Variants in BCAS3 observed in about 807,000 individuals in gnomAD.
BCAS3 encodes the protein BCAS4/BCAS3 fusion.
BCAS3 carries 53 observed loss-of-function variants against 116.1 expected under a neutral mutation model. The ratio of observed to expected loss-of-function variants is 0.46; its 90% CI spans 0.37 to 0.57. The LOEUF (loss-of-function observed/expected upper bound fraction) is 0.57, where lower values mean the gene tolerates loss of function less well. Ranked by LOEUF, BCAS3 falls within the 20% of genes least tolerant of loss-of-function variation. The probability of loss-of-function intolerance (pLI) is 0.00; values close to 1 mark genes in which losing one functional copy is unlikely to be tolerated. For synonymous variants in BCAS3, 391 were observed against 408.2 expected, an observed-to-expected ratio of 0.96 and a Z score of 0.51; for missense variants, 917 against 1,165.4, an observed-to-expected ratio of 0.79 and a Z score of 3.10.
At position 60,964,949 on chromosome 17, in the gene BCAS3, C is replaced by G. The variant is rs2061579664; in HGVS notation, c.1221+17597C>G. Among the ~76,000 whole-genome samples the G allele has an allele frequency of 6.6e-6, 1 of 151,966 alleles. No individual in the cohort carries two copies. The highest frequency in any genetic ancestry group is 2.4e-5 in the African/African-American group (1 of 41,402). On this transcript the variant is annotated intron_variant, in intron 14 of 23. Coordinates refer to ENST00000407086, the MANE Select transcript of BCAS3 (RefSeq NM_017679.5). This position sits in a 1 kb window ranked among gnomAD's most constrained non-coding sequence, Gnocchi z 4.6. Reference sequence around the variant, plus strand: ...TTCTCTCTTTTTTCTTAGTCTAGCTCAAGACTTGTTGATTTTGTTTACATT... The same window carrying G: ...TTCTCTCTTTTTTCTTAGTCTAGCTGAAGACTTGTTGATTTTGTTTACATT...
rs8070787 is a variant in BCAS3 at position 61,285,220 on chromosome 17, C to A, written c.2426-83107C>A. ...TAAATTGGGGTGTTTTGCTTTTCCC[C>A]TCCTCCTAGGTTGTGTGTGTGTGTG... On this transcript the variant is annotated intron_variant, in intron 22 of 23. Coordinates refer to ENST00000407086, the MANE Select transcript of BCAS3 (RefSeq NM_017679.5). This position sits in a 1 kb window ranked among gnomAD's most constrained non-coding sequence, Gnocchi z 5.4. Among the ~76,000 whole-genome samples the A allele has an allele frequency of 0.15, 21,904 of 151,006 alleles. 3,651 individuals are homozygous for A. Among genetic ancestry groups the A allele is most frequent in the African/African-American group, 0.42 (16,997 of 40,932 alleles).
At chr17:61,138,743 G>A (rs573969151) in intron 22 of BCAS3, among the ~76,000 whole-genome samples, 6 of 151,948 alleles carry the variant, frequency 3.9e-5, no homozygotes, top group Non-Finnish European at 1.5e-5. Context: ...TTGTTTTTTG[G>A]CTCTTGATCC....
chr17:60,948,413 C>G (rs570218364), intron 14 of BCAS3, among the ~76,000 whole-genome samples: 1 of 152,278 alleles, frequency 6.6e-6, no homozygotes, highest in East Asian at 1.9e-4. Flanking sequence ...CATGAGCCAC[C>G]GCGCCTGGCC....
At chr17:61,308,304 C>T (rs1349522095) in intron 22 of BCAS3, among the ~76,000 whole-genome samples, 2 of 152,096 alleles carry the variant, frequency 1.3e-5, no homozygotes, top group Non-Finnish European at 2.9e-5. Flanking sequence ...CATTAGCAGC[C>T]ATAGTGTTGG....
At chr17:60,798,058 C>T (rs73316778) in intron 6 of BCAS3, among the ~76,000 whole-genome samples, 7,101 of 152,196 alleles carry the variant, frequency 0.047, 497 homozygotes, top group African/African-American at 0.15. Flanking sequence ...CAAAAACACA[C>T]AGAGTTTCTG....
chr17:60,765,746 A>G (rs2044026958), intron 6 of BCAS3, among the ~76,000 whole-genome samples: 1 of 152,026 alleles, frequency 6.6e-6, no homozygotes, highest in African/African-American at 2.4e-5. Flanking sequence ...CTGCCTTGCT[A>G]TGTTGGGGGA....
intron 22 of BCAS3, among the ~76,000 whole-genome samples, chr17:61,209,623 C>G (rs1180765454): frequency 6.6e-6 from 1 of 152,166 alleles, no homozygotes; most frequent in African/African-American, 2.4e-5. Flanking sequence ...TGTGGCTGTA[C>G]AGAGACCATT....
At chr17:61,111,169 C>T (rs536710126) in intron 22 of BCAS3, among the ~76,000 whole-genome samples, 32 of 151,762 alleles carry the variant, frequency 2.1e-4, no homozygotes, top group East Asian at 3.9e-4. Context: ...AACTCTAAAA[C>T]GCAGAGCGTC....
chr17:61,022,216 C>A (rs985593916), intron 16 of BCAS3, among the ~76,000 whole-genome samples: 1 of 151,994 alleles, frequency 6.6e-6, no homozygotes, highest in South Asian at 2.1e-4. Flanking sequence ...ATGATGTCTA[C>A]TATATACCAT....
chr17:61,111,800 T>A (rs985000308), intron 22 of BCAS3, among the ~76,000 whole-genome samples: 5 of 112,742 alleles, frequency 4.4e-5, no homozygotes, highest in African/African-American at 1.3e-4. Context: ...TCACCAAAGT[T>A]GAAATGAAGG....
chr17:61,031,593 T>A (rs964934318), intron 16 of BCAS3, among the ~76,000 whole-genome samples: 1 of 152,118 alleles, frequency 6.6e-6, no homozygotes, highest in African/African-American at 2.4e-5. Context: ...CATATTTTTA[T>A]GTTTTTATTT....
chr17:60,713,218 C>T (rs1018605194), intron 5 of BCAS3, among the ~76,000 whole-genome samples: 2 of 152,130 alleles, frequency 1.3e-5, no homozygotes, highest in African/African-American at 4.8e-5. Flanking sequence ...GCTCAGCATG[C>T]CAAAATGCCA....
chr17:61,128,051 C>A lies in BCAS3; in HGVS notation c.2425+43487C>A. The A allele has an allele frequency of 6.6e-6, 2 of 300,822 alleles. No individual in the cohort carries two copies. Among genetic ancestry groups the A allele is most frequent in the Non-Finnish European group, 9.8e-6 (2 of 204,422 alleles). 18.6% of individuals were successfully genotyped at this position (300,822 alleles called of 1,614,324 possible). On this transcript the variant is annotated intron_variant, in intron 22 of 23. Coordinates refer to ENST00000407086, the MANE Select transcript of BCAS3 (RefSeq NM_017679.5). This position sits in a 1 kb window ranked among gnomAD's most constrained non-coding sequence, Gnocchi z 4.1. ...AAAGAACACCACAATTCCCATTGAG[C>A]TCAGAAAATGTGATTAAGGAGTTTG...
At position 61,316,369 on chromosome 17, in the gene BCAS3, C is replaced by T. The variant is rs117135931; in HGVS notation, c.2426-51958C>T. Among the ~76,000 whole-genome samples, 15 of 152,148 alleles carry T rather than the reference C, an allele frequency of 9.9e-5. No homozygotes were observed. The highest frequency in any genetic ancestry group is 1.8e-4 in the Non-Finnish European group (12 of 68,002). Reference sequence around the variant, plus strand: ...GTAAATGTGTGCTGAATGTGGGAGACGTCTTTTTTAAGGAAAGCCTAAGAT... The same window carrying T: ...GTAAATGTGTGCTGAATGTGGGAGATGTCTTTTTTAAGGAAAGCCTAAGAT... On this transcript the variant is annotated intron_variant, in intron 22 of 23. Transcript: ENST00000407086. The surrounding 1 kb of genome is among the most constrained non-coding windows in gnomAD (Gnocchi z 5.8).
chr17:61,130,302 C>A lies in BCAS3; in HGVS notation c.2425+45738C>A, dbSNP rs1415432189. ...AATCCCAGAGCACCATAGAAACTGG[C>A]AAAATATCTTCCCAATTAATTATGA... On this transcript the variant is annotated intron_variant, in intron 22 of 23. Coordinates refer to ENST00000407086, the MANE Select transcript of BCAS3 (RefSeq NM_017679.5). The surrounding 1 kb of genome is among the most constrained non-coding windows in gnomAD (Gnocchi z 5.0). Among the ~76,000 whole-genome samples the A allele has an allele frequency of 1.3e-5, 2 of 152,196 alleles. No individual in the cohort carries two copies. Among genetic ancestry groups the A allele is most frequent in the East Asian group, 1.9e-4 (1 of 5,196 alleles).
chr17:61,026,240 A>G lies in BCAS3; in HGVS notation c.1638-8426A>G, dbSNP rs767414728. Among the ~76,000 whole-genome samples, 3 of 152,126 alleles carry G rather than the reference A, an allele frequency of 2.0e-5. No individual in the cohort carries two copies. The highest frequency in any genetic ancestry group is 4.4e-5 in the Non-Finnish European group (3 of 67,974). ...TAGTGCAGACCAGGTAAAGGAAGCT[A>G]ACCTCTTAGACCACTATTAAGAGAT... On this transcript the variant is annotated intron_variant, in intron 16 of 23. Coordinates refer to ENST00000407086, the MANE Select transcript of BCAS3 (RefSeq NM_017679.5). This position sits in a 1 kb window ranked among gnomAD's most constrained non-coding sequence, Gnocchi z 5.0.
intron 14 of BCAS3, among the ~76,000 whole-genome samples, chr17:60,986,519 T>C (rs1479914798): frequency 1.3e-5 from 2 of 152,214 alleles, no homozygotes; most frequent in African/African-American, 4.8e-5. Flanking sequence ...ACCTGTCTTT[T>C]GGATAAAAGC....
At chr17:61,272,636 CAAAAAAAAAAAAAAAAAA>C (rs373837874) in intron 22 of BCAS3, among the ~76,000 whole-genome samples, 1 of 47,374 alleles carries the variant, frequency 2.1e-5, no homozygotes, top group Non-Finnish European at 3.9e-5. Context: ...AACCCTGTCT[CAAAAAAAAAAAAAAAAAA>C]AAAAAAAAAA....
intron 19 of BCAS3, among the ~76,000 whole-genome samples, chr17:61,070,959 C>T (rs1001946772): frequency 6.6e-6 from 1 of 152,102 alleles, no homozygotes; most frequent in African/African-American, 2.4e-5. Context: ...ACAACAACTA[C>T]AACAAAAACT....
Sources: gnomAD v4.1 joint callset for allele counts (sites outside exome capture counted in the v4.1 genomes callset) on GRCh38, gnomAD v4.1.1 for gene constraint, Gnocchi (gnomAD v3.1) non-coding constraint, MANE v1.5 for transcripts, NCBI Gene and HGNC (gene_info 2026-07-23, HGNC 2026-07-21) for gene names.